PPIL4: variants seen among roughly 807,000 people sequenced by gnomAD.
PPIL4 encodes the protein peptidylprolyl isomerase like 4.
In PPIL4, 50 loss-of-function variants were observed where a neutral mutation model predicts 69.1. The ratio of observed to expected loss-of-function variants is 0.72; its 90% CI spans 0.58 to 0.92. The LOEUF (loss-of-function observed/expected upper bound fraction) is 0.92. Among genes scored for constraint, PPIL4 ranks in the 40% least tolerant of loss-of-function variants. The pLI, the probability that PPIL4 is intolerant of heterozygous loss-of-function variation, is 0.00. For missense variants in PPIL4, 480 were observed against 587.9 expected (o/e 0.82, Z 1.90); for synonymous variants, 193 against 191.6 (o/e 1.01, Z -0.06).
Position 149,512,218 on chromosome 6 carries a change from T to C in PPIL4, c.1164A>G (p.Lys388=), listed in dbSNP as rs148702522. ...HSHTSKKHKK[K]THHCSEEKED... ...CTTTCTCTTCAGAACAGTGATGGGT[T>C]TTCTTCTTGTGTTTTTTACTTGTGT... Residue 388 remains lysine, a synonymous_variant, in exon 12 of 13, where the codon AAA becomes AAG. Transcript: ENST00000253329. 3.0e-5 allele frequency: 49 copies of C among 1,613,596 alleles called. No homozygotes were observed. The African/African-American group carries it at 5.2e-4, about 17-fold the overall frequency.
chr6:149,543,207 T>A (rs181614016), intron 1 of PPIL4, among the ~76,000 whole-genome samples: 42 of 152,276 alleles, frequency 2.8e-4, no homozygotes, highest in Admixed American at 2.2e-3. Context: ...GTACACACTA[T>A]CTTATATGAA....
intron 12 of PPIL4, among the ~76,000 whole-genome samples, chr6:149,509,322 G>A (rs567559012): frequency 6.6e-4 from 100 of 152,156 alleles, no homozygotes; most frequent in South Asian, 4.8e-3. Flanking sequence ...AGCAGAATCA[G>A]AAAGACTCAC....
Position 149,505,237 on chromosome 6 carries a change from T to A in PPIL4, c.*216A>T. On this transcript the variant is annotated 3_prime_UTR_variant, in exon 13 of 13. Transcript: ENST00000253329. ...CTTCAAAAATGAAGACTACCATTTA[T>A]GTATAACAATAAAATTAGTGTAAAA... 2.2e-6 allele frequency: 1 copy of A among 447,408 alleles called. No individual in the cohort carries two copies. Among genetic ancestry groups the A allele is most frequent in the Non-Finnish European group, 3.9e-6 (1 of 254,180 alleles). 27.7% of individuals were successfully genotyped at this position (447,408 alleles called of 1,614,324 possible). A position where few individuals can be genotyped will look rare whatever the true frequency, so the allele number is the denominator to read the frequency against.
At chr6:149,527,534 G>C (rs1354442875) in intron 7 of PPIL4, among the ~76,000 whole-genome samples, 1 of 151,934 alleles carries the variant, frequency 6.6e-6, no homozygotes, top group East Asian at 1.9e-4. Context: ...TTTTTTAAAG[G>C]ATAAGAATTT....
At chr6:149,513,385 C>CAAAAAAAAAA (rs1170985851) in intron 11 of PPIL4, among the ~76,000 whole-genome samples, 1 of 41,546 alleles carries the variant, frequency 2.4e-5, no homozygotes, top group Non-Finnish European at 3.4e-5. Context: ...GACTCAGTCT[C>CAAAAAAAAAA]AAAAAAAAAA....
In PPIL4 at chr6:149,536,679, G is replaced by C. The variant is rs1365202093; in HGVS notation, c.322-941C>G. ...AGCTGCAAAAGAAAGTCTGAAGCTA[G>C]CAGAGGTTAATTCATGAAGTTTAAG... On this transcript the variant is annotated intron_variant, in intron 4 of 12. Transcript: ENST00000253329. 2.0e-5 allele frequency among the ~76,000 whole-genome samples: 3 copies of C among 150,394 alleles called. No homozygotes were observed. In the Admixed American group the frequency reaches 2.0e-4, roughly 10 times the overall value.
At position 149,526,767 on chromosome 6, in the gene PPIL4, G is replaced by T; in HGVS notation, c.688C>A (p.Leu230Ile). The change falls in exon 8 of 13, where the codon CTA becomes ATA. Residue 230 changes from leucine to isoleucine, a missense_variant. Physicochemically the swap from Leu to Ile is conservative, Grantham distance 5. Coordinates refer to ENST00000253329, the MANE Select transcript of PPIL4 (RefSeq NM_139126.4). Reference protein sequence around the residue: ...QAILLEMVGDLPDADIKPPEN... With the variant: ...QAILLEMVGDIPDADIKPPEN... The stretch of plus-strand genomic sequence containing the variant: ...GGAGGTTTAATATCTGCATCAGGTA[G>T]GTCTCCCACCTAAATTACAAACAAA... The T allele has an allele frequency of 6.2e-7, 1 of 1,612,084 alleles. No homozygotes were observed. The highest frequency in any genetic ancestry group is 8.5e-7 in the Non-Finnish European group (1 of 1,179,166).
chr6:149,520,586 CA>C lies in PPIL4; in HGVS notation c.982+473del, dbSNP rs1777015078. Reference sequence around the variant, plus strand: ...GTGCACACATGCATGTGTGTGCACACACACACACACACACACTCTACCTCAG... The same window carrying C: ...GTGCACACATGCATGTGTGTGCACACCACACACACACACACTCTACCTCAG... On this transcript the variant is annotated intron_variant, in intron 10 of 12. Coordinates refer to ENST00000253329, the MANE Select transcript of PPIL4 (RefSeq NM_139126.4). Among the ~76,000 whole-genome samples the C allele has an allele frequency of 2.0e-5, 3 of 151,270 alleles. No homozygotes were observed. In the South Asian group the frequency reaches 6.2e-4, roughly 32 times the overall value.
chr6:149,534,773 T>C lies in PPIL4; in HGVS notation c.466A>G (p.Ile156Val), dbSNP rs772065908. The change falls in exon 6 of 13, where the codon ATA (isoleucine) becomes GTA (valine). Residue 156 changes from isoleucine (I) to valine (V), a missense_variant and splice_region_variant. By Grantham distance (29) the Ile-to-Val change is conservative. Transcript: ENST00000253329. ...TCATCTAAAATCACCGTATGATTTA[T>C]CCTTACAAAATAAATCCAAATCAAA... ...KDFVPYQDIR[I>V]NHTVILDDPF... is the part of the protein sequence containing the mutation. 8 of 1,503,972 alleles carry C rather than the reference T, an allele frequency of 5.3e-6. No individual in the cohort carries two copies. In the South Asian group the frequency reaches 8.3e-5, roughly 16 times the overall value. The allele number at this position is 1,503,972 out of a possible 1,614,324, so 93.2% of individuals were successfully genotyped here. A position where few individuals can be genotyped will look rare whatever the true frequency, so the allele number is the denominator to read the frequency against.
At chr6:149,538,334 A>T (rs1334224721) in intron 4 of PPIL4, among the ~76,000 whole-genome samples, 1 of 152,072 alleles carries the variant, frequency 6.6e-6, no homozygotes, top group Non-Finnish European at 1.5e-5. Flanking sequence ...ATCGAAGAGT[A>T]ATTTCAACTT....
chr6:149,535,676 C>G lies in PPIL4; in HGVS notation c.384G>C (p.Glu128Asp). Residue 128 changes from glutamate to aspartate, a missense_variant, in exon 5 of 13, where the codon GAG (glutamate) becomes GAC (aspartate). Glu to Asp is a conservative substitution (Grantham distance 45). Transcript: ENST00000253329. Reference sequence around the variant, plus strand: ...TAATTATGTCCATGCCTTCTGTCACCTCACCAAACACCGTATGGACACCAT... The same window carrying G: ...TAATTATGTCCATGCCTTCTGTCACGTCACCAAACACCGTATGGACACCAT... ...YLDGVHTVFG[E>D]VTEGMDIIKK... 3 of 1,611,396 alleles carry G rather than the reference C, an allele frequency of 1.9e-6. No homozygotes were observed. The highest frequency in any genetic ancestry group is 1.7e-6 in the Non-Finnish European group (2 of 1,177,738).
chr6:149,541,876 T>C (rs1777368642), intron 1 of PPIL4, among the ~76,000 whole-genome samples: 1 of 151,980 alleles, frequency 6.6e-6, no homozygotes, highest in Non-Finnish European at 1.5e-5. Context: ...TAGCCAGGCA[T>C]GGTGGCGGGC....
chr6:149,506,527 G>T (rs117479899), intron 12 of PPIL4, among the ~76,000 whole-genome samples: 1 of 152,144 alleles, frequency 6.6e-6, no homozygotes, highest in Non-Finnish European at 1.5e-5. Flanking sequence ...TTTTTAAAGT[G>T]TTTTATTTTA....
chr6:149,533,245 G>T (rs939345696), intron 7 of PPIL4, among the ~76,000 whole-genome samples: 7 of 152,270 alleles, frequency 4.6e-5, no homozygotes, highest in Admixed American at 4.6e-4. Flanking sequence ...ACTTCCCACT[G>T]TTTAAAAAGG....
At chr6:149,523,933 A>C (rs1444143219) in intron 9 of PPIL4, among the ~76,000 whole-genome samples, 3 of 152,176 alleles carry the variant, frequency 2.0e-5, no homozygotes, top group East Asian at 1.9e-4. Flanking sequence ...GGTACATCTG[A>C]CACAGTGCCT....
chr6:149,516,474 T>C lies in PPIL4; in HGVS notation c.1079+880A>G, dbSNP rs533518790. Among the ~76,000 whole-genome samples the C allele has an allele frequency of 4.9e-4, 74 of 152,112 alleles. No individual in the cohort carries two copies. In the Middle Eastern group the frequency reaches 0.01, roughly 21 times the overall value. ...TACTTGGAAAAGAAATGTCTACATATGTAGAAAAAAAAATCCCTGAAATAC... is the reference window on the plus strand; with the variant it reads ...TACTTGGAAAAGAAATGTCTACATACGTAGAAAAAAAAATCCCTGAAATAC... On this transcript the variant is annotated intron_variant, in intron 11 of 12. Coordinates refer to ENST00000253329, the MANE Select transcript of PPIL4 (RefSeq NM_139126.4).
intron 12 of PPIL4, among the ~76,000 whole-genome samples, chr6:149,509,479 G>T (rs955594073): frequency 1.8e-4 from 27 of 152,150 alleles, no homozygotes; most frequent in African/African-American, 6.5e-4. Flanking sequence ...GCACATGGAG[G>T]GGGAAAGAAT....
rs746463696 is a variant in PPIL4 at position 149,533,513 on chromosome 6, A to T, written c.623T>A (p.Val208Glu). The T allele has an allele frequency of 6.8e-5, 110 of 1,612,542 alleles. No individual in the cohort carries two copies. Among genetic ancestry groups the T allele is most frequent in the Non-Finnish European group, 8.9e-5 (105 of 1,179,030 alleles). The change falls in exon 7 of 13, where the codon GTA (valine) becomes GAA (glutamate). Residue 208 changes from valine to glutamate, a missense_variant. Val to Glu is a moderately radical substitution (Grantham distance 121, BLOSUM62 -2). Coordinates refer to ENST00000253329, the MANE Select transcript of PPIL4 (RefSeq NM_139126.4). ...CTCTTTTTCTGCCTTTATTTCTTCT[A>T]CTTCCTCAGCTGATCTTCCTTTGAA... is the stretch of plus-strand genomic sequence containing the variant. ...DDFKGRSAEE[V>E]EEIKAEKEAK...
chr6:149,541,883 G>A (rs1373313008), intron 1 of PPIL4, among the ~76,000 whole-genome samples: 2 of 151,952 alleles, frequency 1.3e-5, no homozygotes, highest in East Asian at 1.9e-4. Context: ...GCATGGTGGC[G>A]GGCACCTGTA....
Sources: gnomAD v4.1 joint callset for allele counts (sites outside exome capture counted in the v4.1 genomes callset) on GRCh38, gnomAD v4.1.1 for gene constraint, MANE v1.5 for transcripts, NCBI Gene and HGNC (gene_info 2026-07-23, HGNC 2026-07-21) for gene names.